Variants in OSBPL7 observed in about 807,000 individuals in gnomAD.
The protein encoded by OSBPL7 is oxysterol-binding protein-related protein 7.
Under a neutral mutation model 115.8 loss-of-function variants are expected in OSBPL7, and 66 were observed. That is an observed-to-expected ratio of 0.57 (90% CI 0.47 to 0.70). OSBPL7 has a LOEUF of 0.70. OSBPL7 is among the 30% of genes least tolerant of loss of function. OSBPL7 has a pLI of 0.00. For missense variants in OSBPL7, 902 were observed against 1,125.5 expected, an observed-to-expected ratio of 0.80 and a Z score of 2.84; for synonymous variants, 441 against 439.2, an observed-to-expected ratio of 1.00 and a Z score of -0.05.
chr17:47,809,185 C>T lies in OSBPL7; in HGVS notation c.2061G>A (p.Gln687=). Residue 687 remains glutamine (Q), a synonymous_variant, in exon 20 of 23, where the codon CAG becomes CAA. Transcript: ENST00000007414. ...KYWSSNVHEV[Q]GAVLSRSGRV... ...GGCCACTCCGACTGAGCACAGCGCC[C>T]TGCACCTCGTGGACATTGGAACTCC... 6.2e-7 allele frequency: 1 copy of T among 1,614,174 alleles called. No individual in the cohort carries two copies.
chr17:47,816,060 A>G lies in OSBPL7; in HGVS notation c.1119+47T>C. 1 of 1,483,188 alleles carries G rather than the reference A, an allele frequency of 6.7e-7. No homozygotes were observed. The highest frequency in any genetic ancestry group is 2.3e-5 in the Admixed American group (1 of 43,970). 91.9% of individuals were successfully genotyped at this position (1,483,188 alleles called of 1,614,324 possible). ...CCTGGGCCTTGGCTTTCGCTGGGAG[A>G]GAAGGCACAGGAGAATCGGCCCCCA... On this transcript the variant is annotated intron_variant, in intron 12 of 22. Transcript: ENST00000007414. The surrounding 1 kb of genome is among the most constrained non-coding windows in gnomAD (Gnocchi z 5.8).
At chr17:47,813,894 G>A in intron 14 of OSBPL7, 60 bp from the exon 15 acceptor site, 1 of 1,532,924 alleles carries the variant, frequency 6.5e-7, no homozygotes, top group Non-Finnish European at 8.7e-7. Flanking sequence ...GACATGGCAA[G>A]CCCACAGCCC....
chr17:47,810,440 A>G (rs187821928), intron 18 of OSBPL7, among the ~76,000 whole-genome samples, 154 bp downstream of exon 18: 1 of 152,276 alleles, frequency 6.6e-6, no homozygotes, highest in African/African-American at 2.4e-5. Flanking sequence ...TGCTGTAAAT[A>G]TAGGTGTAAA....
intron 18 of OSBPL7, among the ~76,000 whole-genome samples, chr17:47,810,198 T>C (rs1303122809): frequency 1.3e-5 from 2 of 152,188 alleles, no homozygotes; most frequent in East Asian, 3.9e-4. Context: ...CCTGTAAAAT[T>C]AGCTAGATGA....
chr17:47,810,782 G>A lies in OSBPL7; in HGVS notation c.1791C>T (p.Ala597=), dbSNP rs2033016117. The A allele has an allele frequency of 6.2e-7, 1 of 1,613,900 alleles. No individual in the cohort carries two copies. Among genetic ancestry groups the A allele is most frequent in the African/African-American group, 1.3e-5 (1 of 74,912 alleles). ...SACHAESENF[A]FWQDMKWKNK... is the part of the protein sequence containing the mutation. ...CCCTCTACTCCTCACCTTGCCAGAA[G>A]GCGAAGTTCTCAGACTCTGCATGGC... is the stretch of plus-strand genomic sequence containing the variant. Residue 597 remains alanine (A), a synonymous_variant, in exon 17 of 23, where the codon GCC becomes GCT. Coordinates refer to ENST00000007414, the MANE Select transcript of OSBPL7 (RefSeq NM_145798.3).
At position 47,819,113 on chromosome 17, in the gene OSBPL7, G is replaced by A. The variant is rs112140440; in HGVS notation, c.256-14C>T. 3.2e-5 allele frequency: 52 copies of A among 1,605,632 alleles called. No homozygotes were observed. Among genetic ancestry groups the A allele is most frequent in the South Asian group, 1.5e-4 (14 of 90,924 alleles). On this transcript the variant is annotated splice_polypyrimidine_tract_variant and intron_variant, in intron 4 of 22. Coordinates refer to ENST00000007414, the MANE Select transcript of OSBPL7 (RefSeq NM_145798.3). ...CCCCTTGGTGATCTGGGGGTGAAGT[G>A]TTGGTAGAGGGAGAGGGGACCTGTT... is the stretch of plus-strand genomic sequence containing the variant.
In OSBPL7 at chr17:47,816,714, G is replaced by T; in HGVS notation, c.796-19C>A. 1 of 1,614,024 alleles carries T rather than the reference G, an allele frequency of 6.2e-7. No individual in the cohort carries two copies. The highest frequency in any genetic ancestry group is 8.5e-7 in the Non-Finnish European group (1 of 1,179,964). ...GACCAACCTGTAGGTGAAGGGGAAGGGCTGAAGGGGCCGGCCTCCTTAGAG... is the reference window on the plus strand; with the variant it reads ...GACCAACCTGTAGGTGAAGGGGAAGTGCTGAAGGGGCCGGCCTCCTTAGAG... On this transcript the variant is annotated intron_variant, in intron 9 of 22. Transcript: ENST00000007414. This position sits in a 1 kb window ranked among gnomAD's most constrained non-coding sequence, Gnocchi z 5.8.
rs2143524160 is a variant in OSBPL7 at position 47,810,577 on chromosome 17, G to A, written c.1880+17C>T. On this transcript the variant is annotated intron_variant, in intron 18 of 22. Transcript: ENST00000007414. ...GCCTGTGGCTTGGCCTGGCTGCTGA[G>A]AGTCTAAGAATCCCACCTGGGCAGG... The A allele has an allele frequency of 6.2e-7, 1 of 1,609,150 alleles. No homozygotes were observed.
intron 1 of OSBPL7, 38 bp from the exon 2 acceptor site, chr17:47,820,403 G>C (rs2033363905): frequency 1.2e-6 from 1 of 863,040 alleles, no homozygotes; most frequent in Non-Finnish European, 1.8e-6. Flanking sequence ...CGCAAACTCT[G>C]CTATCACCTT....
chr17:47,817,116 T>C, intron 8 of OSBPL7, 140 bp downstream of exon 8: 1 of 728,076 alleles, frequency 1.4e-6, no homozygotes, highest in South Asian at 1.8e-5. Context: ...AGTTTGGACA[T>C]GGGTAAGGGG....
At chr17:47,811,769 C>T (rs1344965367) in intron 16 of OSBPL7, among the ~76,000 whole-genome samples, 1 of 152,236 alleles carries the variant, frequency 6.6e-6, no homozygotes, top group African/African-American at 2.4e-5. Context: ...ACTCCTCCTC[C>T]TTCTGCACCT....
chr17:47,812,116 A>T (rs2033061895), intron 16 of OSBPL7, among the ~76,000 whole-genome samples: 1 of 152,074 alleles, frequency 6.6e-6, no homozygotes, highest in African/African-American at 2.4e-5. Flanking sequence ...TCTGTCCCTC[A>T]TGGTAAAATT....
chr17:47,818,756 G>A, intron 5 of OSBPL7, 140 bp from the exon 6 acceptor site: 1 of 852,010 alleles, frequency 1.2e-6, no homozygotes, highest in Admixed American at 2.6e-5. Flanking sequence ...CTTGCAGGGA[G>A]ACAGAGCGCA....
At chr17:47,818,832 T>G (rs1166215052) in intron 5 of OSBPL7, among the ~76,000 whole-genome samples, 154 bp downstream of exon 5, 1 of 152,264 alleles carries the variant, frequency 6.6e-6, no homozygotes, top group East Asian at 1.9e-4. Flanking sequence ...AGTGCAGGTT[T>G]GCCCTTGGCT....
chr17:47,814,877 A>G (rs2033165071), intron 13 of OSBPL7: 1 of 563,032 alleles, frequency 1.8e-6, no homozygotes, highest in Non-Finnish European at 3.2e-6. Context: ...GAGGGAAGGG[A>G]AGTTGGGGAT....
rs1480723170 is a variant in OSBPL7 at position 47,808,304 on chromosome 17, G to T, written c.2516C>A (p.Ala839Asp). Residue 839 changes from alanine (A) to aspartate (D), a missense_variant, in exon 23 of 23, where the codon GCC (alanine) becomes GAC (aspartate). Physicochemically the swap from Ala to Asp is moderately radical, Grantham distance 126. Coordinates refer to ENST00000007414, the MANE Select transcript of OSBPL7 (RefSeq NM_145798.3). The surrounding 1 kb of genome is among the most constrained non-coding windows in gnomAD (Gnocchi z 6.1). The stretch of plus-strand genomic sequence containing the variant: ...CCGGGGCCAGGGCTACCAGAGCACG[G>T]CCCCATCCATGTTCCCATAGCCTGG... Reference protein sequence around the residue: ...AEPGYGNMDGAVLW With the variant: ...AEPGYGNMDGDVLW 1 of 1,612,876 alleles carries T rather than the reference G, an allele frequency of 6.2e-7. No individual in the cohort carries two copies. The highest frequency in any genetic ancestry group is 8.5e-7 in the Non-Finnish European group (1 of 1,179,358).
intron 4 of OSBPL7, 69 bp downstream of exon 4, chr17:47,819,660 C>A: frequency 6.3e-7 from 1 of 1,581,432 alleles, no homozygotes. Context: ...ATTCCAGATA[C>A]CCCATGCCTG....
rs1162358551 is a variant in OSBPL7 at position 47,816,963 on chromosome 17, C to T, written c.703-91G>A. 27 of 1,279,130 alleles carry T rather than the reference C, an allele frequency of 2.1e-5. No individual in the cohort carries two copies. The highest frequency in any genetic ancestry group is 3.4e-5 in the Admixed American group (2 of 58,008). The allele number at this position is 1,279,130 out of a possible 1,614,324, so 79.2% of individuals were successfully genotyped here. Reference sequence around the variant, plus strand: ...CCTGGGAGAGGTAGACGGCCTCCTGCGCCATGGAGGAGGGCGCAGATTACC... The same window carrying T: ...CCTGGGAGAGGTAGACGGCCTCCTGTGCCATGGAGGAGGGCGCAGATTACC... On this transcript the variant is annotated intron_variant, in intron 8 of 22. Transcript: ENST00000007414. The surrounding 1 kb of genome is among the most constrained non-coding windows in gnomAD (Gnocchi z 5.8).
In OSBPL7 at chr17:47,814,502, CTGCCCA is replaced by C; in HGVS notation, c.1351+13_1351+18del. 2 of 1,586,006 alleles carry C rather than the reference CTGCCCA, an allele frequency of 1.3e-6. No homozygotes were observed. Among genetic ancestry groups the C allele is most frequent in the Non-Finnish European group, 1.7e-6 (2 of 1,158,436 alleles). On this transcript the variant is annotated intron_variant, in intron 14 of 22. Transcript: ENST00000007414. ...CCACCCGCCTCCCACCCCTCCCTGC[CTGCCCA>C]CCCAGCTGGCACCTTTCTGACAGCG...
Sources: gnomAD v4.1 joint callset for allele counts (sites outside exome capture counted in the v4.1 genomes callset) on GRCh38, gnomAD v4.1.1 for gene constraint, Gnocchi (gnomAD v3.1) non-coding constraint, MANE v1.5 for transcripts, NCBI Gene and HGNC (gene_info 2026-07-23, HGNC 2026-07-21) for gene names.